Variants in GGTA1 observed in about 807,000 individuals in gnomAD.
GGTA1 encodes glycoprotein alpha-galactosyltransferase 1 (inactive), also known as inactive N-acetyllactosaminide alpha-1,3-galactosyltransferase.
In GGTA1, 5 loss-of-function variants were observed where a neutral mutation model predicts 2.6. The observed-to-expected ratio is 1.92, with a 90% CI of 1.00 to 4.04. GGTA1 has a LOEUF of 4.04. Among genes scored for constraint, GGTA1 ranks in the 30% most tolerant of loss-of-function variants. The pLI, the probability that GGTA1 is intolerant of heterozygous loss-of-function variation, is 0.00. For synonymous variants in GGTA1, 17 were observed against 5.0 expected (o/e 3.38, Z -3.19); for missense variants, 50 against 16.7 (o/e 2.99, Z -3.47).
At chr9:121,484,994 T>TTAAC (rs1400816722) in intron 1 of GGTA1, among the ~76,000 whole-genome samples, 2 of 152,298 alleles carry the variant, frequency 1.3e-5, no homozygotes, top group African/African-American at 4.8e-5. Context: ...CTCCAGGACA[T>TTAAC]TAACTCACTG....
chr9:121,495,818 G>A (rs899771854), intron 1 of GGTA1, among the ~76,000 whole-genome samples: 7 of 152,274 alleles, frequency 4.6e-5, no homozygotes, highest in East Asian at 1.9e-4. Flanking sequence ...ACAGTGACCC[G>A]TGATGGAAAG....
chr9:121,487,547 G>A (rs1315789539), intron 1 of GGTA1, among the ~76,000 whole-genome samples: 3 of 126,098 alleles, frequency 2.4e-5, no homozygotes, highest in Non-Finnish European at 4.7e-5. Flanking sequence ...CTGCACTCCA[G>A]CCTGGCGACA....
At chr9:121,460,244 A>G (rs560472833) in intron 4 of GGTA1, 25 bp from the exon 5 acceptor site, 7 of 457,158 alleles carry the variant, frequency 1.5e-5, no homozygotes, top group African/African-American at 8.0e-5. Flanking sequence ...AAAGTAAACC[A>G]GGTAAGGCAG....
At chr9:121,485,631 A>G (rs1014950857) in intron 1 of GGTA1, among the ~76,000 whole-genome samples, 1 of 152,168 alleles carries the variant, frequency 6.6e-6, no homozygotes, top group Non-Finnish European at 1.5e-5. Flanking sequence ...GGCTCTGGAG[A>G]AAAATGGGAG....
At chr9:121,457,993 T>G (rs2064927977) in intron 5 of GGTA1, among the ~76,000 whole-genome samples, 1 of 147,822 alleles carries the variant, frequency 6.8e-6, no homozygotes, top group South Asian at 2.2e-4. Context: ...CACTGCAACC[T>G]CTGCCTCCTG....
intron 1 of GGTA1, among the ~76,000 whole-genome samples, chr9:121,478,653 G>C (rs923339714): frequency 2.6e-5 from 4 of 152,148 alleles, no homozygotes; most frequent in African/African-American, 9.7e-5. Context: ...TCATTATAAG[G>C]GTCAGAGTAA....
At chr9:121,487,371 T>A (rs1828780868) in intron 1 of GGTA1, among the ~76,000 whole-genome samples, 1 of 150,990 alleles carries the variant, frequency 6.6e-6, no homozygotes, top group South Asian at 2.1e-4. Flanking sequence ...AGGTCAGGAG[T>A]TCGAGACCAG....
chr9:121,470,191 C>T (rs548412308), intron 1 of GGTA1, among the ~76,000 whole-genome samples: 1 of 152,274 alleles, frequency 6.6e-6, no homozygotes, highest in African/African-American at 2.4e-5. Context: ...TAACAGTGGC[C>T]TGTGTTAAAA....
At chr9:121,465,022 A>AAAAAAAAAT in intron 2 of GGTA1, among the ~76,000 whole-genome samples, 1 of 151,752 alleles carries the variant, frequency 6.6e-6, no homozygotes, top group Non-Finnish European at 1.5e-5. Context: ...AAAAAAACAA[A>AAAAAAAAAT]AAACAACTCC....
chr9:121,494,167 G>A (rs1828939793), intron 1 of GGTA1, among the ~76,000 whole-genome samples: 1 of 152,202 alleles, frequency 6.6e-6, no homozygotes, highest in African/African-American at 2.4e-5. Context: ...CAGGGTTTCA[G>A]AGAGGAACCC....
At chr9:121,477,523 T>G (rs1407565230) in intron 1 of GGTA1, among the ~76,000 whole-genome samples, 1 of 151,920 alleles carries the variant, frequency 6.6e-6, no homozygotes, top group Non-Finnish European at 1.5e-5. Flanking sequence ...ATATCACTTC[T>G]CATATTCCAG....
intron 1 of GGTA1, among the ~76,000 whole-genome samples, chr9:121,481,956 A>G (rs1828662899): frequency 6.6e-6 from 1 of 151,430 alleles, no homozygotes; most frequent in Non-Finnish European, 1.5e-5. Flanking sequence ...AGATCATGCC[A>G]TTGCACTCCA....
rs1009498258 is a variant in GGTA1 at position 121,460,211 on chromosome 9, T to C, written c.191A>G (p.Asn64Ser). ...FLSWFNNGIHNYQQGEEDIDK... is the reference protein window; with the variant it reads ...FLSWFNNGIHSYQQGEEDIDK... Reference sequence around the variant, plus strand: ...TATGTCTTCTTCCCCTTGTTGATAATTGTGGATCCTAAGTACAAAGGGAAA... The same window carrying C: ...TATGTCTTCTTCCCCTTGTTGATAACTGTGGATCCTAAGTACAAAGGGAAA... Residue 64 changes from asparagine to serine, a missense_variant, in exon 5 of 6, where the codon AAT (asparagine) becomes AGT (serine). Physicochemically the swap from Asn to Ser is conservative, Grantham distance 46. Coordinates refer to ENST00000481799, the MANE Select transcript of GGTA1 (RefSeq NM_001382585.1). The C allele has an allele frequency of 4.4e-6, 2 of 457,202 alleles. No individual in the cohort carries two copies. The highest frequency in any genetic ancestry group is 4.7e-5 in the Admixed American group (2 of 42,574). The allele number at this position is 457,202 out of a possible 1,614,324, so 28.3% of individuals were successfully genotyped here. A position where few individuals can be genotyped will look rare whatever the true frequency, so the allele number is the denominator to read the frequency against.
intron 1 of GGTA1, among the ~76,000 whole-genome samples, chr9:121,491,678 C>T (rs554297754): frequency 5.1e-4 from 77 of 152,054 alleles, no homozygotes; most frequent in South Asian, 6.2e-4. Context: ...GGTGCCATCT[C>T]AGCTCACTGC....
At chr9:121,458,834 G>T (rs1397855467) in intron 5 of GGTA1, among the ~76,000 whole-genome samples, 1 of 152,074 alleles carries the variant, frequency 6.6e-6, no homozygotes, top group African/African-American at 2.4e-5. Flanking sequence ...GCTCAGCAAA[G>T]AACAAGTACC....
At chr9:121,473,882 C>T (rs1828447355) in intron 1 of GGTA1, among the ~76,000 whole-genome samples, 1 of 142,686 alleles carries the variant, frequency 7.0e-6, no homozygotes, top group South Asian at 2.4e-4. Flanking sequence ...CAAGCCACTG[C>T]ACTGCAGCCT....
At chr9:121,463,198 A>G in intron 3 of GGTA1, 95 bp downstream of exon 3, 4 of 434,034 alleles carry the variant, frequency 9.2e-6, no homozygotes, top group Admixed American at 8.6e-5. Context: ...TTGGCCGAAC[A>G]CCATGGCTGG....
chr9:121,460,797 A>ATT (rs2064954350), intron 4 of GGTA1, among the ~76,000 whole-genome samples: 2 of 152,040 alleles, frequency 1.3e-5, no homozygotes, highest in African/African-American at 4.8e-5. Flanking sequence ...GTGAGCCGAG[A>ATT]CCACGCCACT....
intron 1 of GGTA1, among the ~76,000 whole-genome samples, chr9:121,474,152 C>A (rs557839727): frequency 1.5e-4 from 23 of 152,260 alleles, no homozygotes; most frequent in African/African-American, 5.1e-4. Flanking sequence ...ACCCTGATGT[C>A]CCCTGGGTCC....
Sources: allele counts gnomAD v4.1 joint callset (sites outside exome capture counted in the v4.1 genomes callset), GRCh38; gene constraint gnomAD v4.1.1; transcripts MANE v1.5; gene names NCBI Gene and HGNC (gene_info 2026-07-23, HGNC 2026-07-21).